The following REEP1 variants were observed in gnomAD, a reference collection of about 807,000 sequenced individuals.
REEP1 encodes receptor expression-enhancing protein 1.
A neutral mutation model predicts 40.3 loss-of-function variants in REEP1; 22 were observed. The ratio of observed to expected loss-of-function variants is 0.55; its 90% CI spans 0.39 to 0.78. The LOEUF (loss-of-function observed/expected upper bound fraction) is 0.78. Among genes scored for constraint, REEP1 ranks in the 30% least tolerant of loss-of-function variants. The pLI, the probability that REEP1 is intolerant of heterozygous loss-of-function variation, is 0.00. For missense variants in REEP1, 280 were observed against 361.1 expected (o/e 0.78, Z 1.82); for synonymous variants, 116 against 139.2 (o/e 0.83, Z 1.17).
At chr2:86,254,971 A>AAGTGTGTGCCCT in intron 3 of REEP1, 157 bp from the exon 4 acceptor site, 1 of 691,828 alleles carries the variant, frequency 1.4e-6, no homozygotes, top group Non-Finnish European at 2.5e-6. Context: ...AGGTGAGGGC[A>AAGTGTGTGCCCT]CACACTTGCA....
At chr2:86,310,836 A>G (rs1308122256) in intron 1 of REEP1, among the ~76,000 whole-genome samples, 1 of 152,184 alleles carries the variant, frequency 6.6e-6, no homozygotes, top group Non-Finnish European at 1.5e-5. Flanking sequence ...ATATAAACTT[A>G]AGAGGCAAGA....
Position 86,227,398 on chromosome 2 carries a change from A to C in REEP1, c.596T>G (p.Val199Gly). 3 of 1,232,376 alleles carry C rather than the reference A, an allele frequency of 2.4e-6. No individual in the cohort carries two copies. The highest frequency in any genetic ancestry group is 3.0e-6 in the Non-Finnish European group (3 of 988,164). The allele number at this position is 1,232,376 out of a possible 1,614,324, so 76.3% of individuals were successfully genotyped here. A position where few individuals can be genotyped will look rare whatever the true frequency, so the allele number is the denominator to read the frequency against. Residue 199 changes from valine (V) to glycine (G), a missense_variant and splice_region_variant, in exon 7 of 9, where the codon GTG becomes GGG. Transcript: ENST00000538924. ...RSASESASSSVCTCCSTCRTW... is the reference protein window; with the variant it reads ...RSASESASSSGCTCCSTCRTW... ...CCTGCAGGTGGAGCAGCAGGTACAC[A>C]CTGTGGGAATGGGGTAGGGGCACCA...
Position 86,217,119 on chromosome 2 carries a change from G to T in REEP1, c.784-9C>A, listed in dbSNP as rs1312507745. ...AGGATTCTAGGCGGTGCCTGGTAGAGAAAACAGAAAGGTGTCCCTCAGTTT... is the reference window on the plus strand; with the variant it reads ...AGGATTCTAGGCGGTGCCTGGTAGATAAAACAGAAAGGTGTCCCTCAGTTT... On this transcript the variant is annotated splice_polypyrimidine_tract_variant and intron_variant, in intron 8 of 8. Transcript: ENST00000538924. 5.6e-6 allele frequency: 9 copies of T among 1,612,574 alleles called. No homozygotes were observed. The highest frequency in any genetic ancestry group is 5.9e-6 in the Non-Finnish European group (7 of 1,178,600).
chr2:86,219,923 G>A (rs1274499964), intron 8 of REEP1, 47 bp downstream of exon 8: 1 of 1,228,198 alleles, frequency 8.1e-7, no homozygotes, highest in Non-Finnish European at 1.0e-6. Flanking sequence ...CCAGGGCATA[G>A]CCTTTGGACA....
chr2:86,215,562 G>A lies in REEP1; in HGVS notation c.*1477C>T, dbSNP rs1429223858. ...CAATCCAAATATTATGAGTAACTGG[G>A]TTGTGACCACTGCATGCATTACACT... On this transcript the variant is annotated 3_prime_UTR_variant, in exon 9 of 9. Transcript: ENST00000538924. The A allele has an allele frequency of 2.6e-5, 4 of 152,540 alleles. No homozygotes were observed. Among genetic ancestry groups the A allele is most frequent in the African/African-American group, 9.7e-5 (4 of 41,406 alleles). 9.4% of individuals were successfully genotyped at this position (152,540 alleles called of 1,614,324 possible).
intron 5 of REEP1, among the ~76,000 whole-genome samples, chr2:86,244,887 G>A (rs1675848798): frequency 6.6e-6 from 1 of 152,246 alleles, no homozygotes; most frequent in Non-Finnish European, 1.5e-5. Flanking sequence ...GCTCATGCCT[G>A]TTATCCCAGC....
At chr2:86,277,042 A>G (rs57743711) in intron 2 of REEP1, among the ~76,000 whole-genome samples, 10,206 of 152,238 alleles carry the variant, frequency 0.067, 525 homozygotes, top group African/African-American at 0.13. Context: ...AATGGTTTCA[A>G]TGAAGTGGAA....
intron 7 of REEP1, among the ~76,000 whole-genome samples, chr2:86,224,099 C>T (rs1427524511): frequency 6.6e-6 from 1 of 152,130 alleles, no homozygotes; most frequent in Non-Finnish European, 1.5e-5. Flanking sequence ...TGTCACTGCC[C>T]TAAAAGGCAC....
intron 3 of REEP1, among the ~76,000 whole-genome samples, chr2:86,257,399 C>T (rs554868499): frequency 2.4e-4 from 37 of 152,172 alleles, no homozygotes; most frequent in Non-Finnish European, 4.0e-4. Context: ...CCCCGCCTAA[C>T]CCCTAGTCCC....
intron 2 of REEP1, among the ~76,000 whole-genome samples, chr2:86,273,946 A>T (rs1378652630): frequency 6.6e-6 from 1 of 152,214 alleles, no homozygotes; most frequent in Non-Finnish European, 1.5e-5. Context: ...AATTCCTGAC[A>T]TATAATAGGT....
rs775442593 is a variant in REEP1, at chr2:86,282,286, C to T, written c.33-44G>A. 6 of 1,400,220 alleles carry T rather than the reference C, an allele frequency of 4.3e-6. No individual in the cohort carries two copies. In the Admixed American group the frequency reaches 8.4e-5, roughly 20 times the overall value. 86.7% of individuals were successfully genotyped at this position (1,400,220 alleles called of 1,614,324 possible). A position where few individuals can be genotyped will look rare whatever the true frequency, so the allele number is the denominator to read the frequency against. On this transcript the variant is annotated intron_variant, in intron 1 of 8. Transcript: ENST00000538924. ...AAAATAAATACGATTTTTCATTTAT[C>T]TTATTTAATGGAAAATGTCTGTCTT...
chr2:86,257,426 A>G (rs1676625023), intron 3 of REEP1, among the ~76,000 whole-genome samples: 1 of 152,184 alleles, frequency 6.6e-6, no homozygotes, highest in Non-Finnish European at 1.5e-5. Context: ...AAAAGCAAAA[A>G]CATTATCAGT....
At position 86,274,483 on chromosome 2, in the gene REEP1, C is replaced by T. The variant is rs557353583; in HGVS notation, c.105+7687G>A. On this transcript the variant is annotated intron_variant, in intron 2 of 8. Coordinates refer to ENST00000538924, the MANE Select transcript of REEP1 (RefSeq NM_001371279.1). ...AGGATCTGAGAATGACTCATTGAGG[C>T]TAACAAGGTCAACGGAACACTGGTG... 3.9e-5 allele frequency among the ~76,000 whole-genome samples: 6 copies of T among 152,300 alleles called. No homozygotes were observed. In the South Asian group the frequency reaches 1.0e-3, roughly 26 times the overall value.
At position 86,220,088 on chromosome 2, in the gene REEP1, T is replaced by C; in HGVS notation, c.665A>G (p.Lys222Arg). Residue 222 changes from lysine (K) to arginine (R), a missense_variant, in exon 8 of 9, where the codon AAG (lysine) becomes AGG (arginine). Physicochemically the swap from Lys to Arg is conservative, Grantham distance 26 (BLOSUM62 2). Coordinates refer to ENST00000538924, the MANE Select transcript of REEP1 (RefSeq NM_001371279.1). ...TTGGACCTGGTGGGGCTCCCATGCC[T>C]TCATACCACCCTCATTCACATCTCC... Reference protein sequence around the residue: ...VEGDVNEGGMKAWEPHQVQNP... With the variant: ...VEGDVNEGGMRAWEPHQVQNP... 1 of 1,232,194 alleles carries C rather than the reference T, an allele frequency of 8.1e-7. No homozygotes were observed. Among genetic ancestry groups the C allele is most frequent in the East Asian group, 3.2e-5 (1 of 31,708 alleles). The allele number at this position is 1,232,194 out of a possible 1,614,324, so 76.3% of individuals were successfully genotyped here. A position where few individuals can be genotyped will look rare whatever the true frequency, so the allele number is the denominator to read the frequency against.
intron 2 of REEP1, among the ~76,000 whole-genome samples, chr2:86,273,570 T>C (rs1341379883): frequency 6.6e-6 from 1 of 151,786 alleles, no homozygotes; most frequent in Non-Finnish European, 1.5e-5. Context: ...ACAGGCTTGA[T>C]CCACCACACC....
intron 4 of REEP1, among the ~76,000 whole-genome samples, chr2:86,253,494 C>T (rs976351319): frequency 2.0e-5 from 3 of 152,132 alleles, no homozygotes; most frequent in East Asian, 3.9e-4. Context: ...ACCTGCCTGT[C>T]CCCCACCACC....
intron 1 of REEP1, among the ~76,000 whole-genome samples, chr2:86,335,160 C>A (rs1680952078): frequency 6.6e-6 from 1 of 152,120 alleles, no homozygotes; most frequent in Admixed American, 6.5e-5. Context: ...ATATGCCCTC[C>A]ATCATTATTA....
At chr2:86,329,821 A>C (rs1680682182) in intron 1 of REEP1, among the ~76,000 whole-genome samples, 1 of 152,176 alleles carries the variant, frequency 6.6e-6, no homozygotes. Flanking sequence ...ACTGCATATG[A>C]GAAACTATAA....
chr2:86,270,687 A>C (rs969207872), intron 2 of REEP1, among the ~76,000 whole-genome samples: 1 of 152,184 alleles, frequency 6.6e-6, no homozygotes, highest in Non-Finnish European at 1.5e-5. Flanking sequence ...TGGATACAAC[A>C]AAAGAAAAGA....
Sources: allele counts gnomAD v4.1 joint callset (sites outside exome capture counted in the v4.1 genomes callset), GRCh38; gene constraint gnomAD v4.1.1; transcripts MANE v1.5; gene names NCBI Gene and HGNC (gene_info 2026-07-23, HGNC 2026-07-21).